ZNF540: variants seen among roughly 807,000 people sequenced by gnomAD.
ZNF540 encodes the protein CTD-3064H18.6.
A neutral mutation model predicts 11.8 loss-of-function variants in ZNF540; 3 were observed. That is an observed-to-expected ratio of 0.25 (90% CI 0.12 to 0.65). The LOEUF is 0.65. Among genes scored for constraint, ZNF540 ranks in the 30% least tolerant of loss-of-function variants. ZNF540 has a pLI of 0.83. For synonymous variants in ZNF540, 247 were observed against 259.0 expected (o/e 0.95, Z 0.45); for missense variants, 709 against 793.1 (o/e 0.89, Z 1.27).
chr19:37,603,129 T>C lies in ZNF540; in HGVS notation c.232+2024T>C, dbSNP rs530989650. ...TTCAAGCAATTCCCCTGCCTCAGCC[T>C]CCTGAGTAGCTGGTATTACAGGCGC... is the stretch of plus-strand genomic sequence containing the variant. On this transcript the variant is annotated intron_variant, in intron 4 of 4. Transcript: ENST00000316433. Among the ~76,000 whole-genome samples, 14 of 148,272 alleles carry C rather than the reference T, an allele frequency of 9.4e-5. No homozygotes were observed. The South Asian group carries it at 3.1e-3, about 33-fold the overall frequency.
At chr19:37,586,606 C>A in intron 1 of ZNF540, 1 of 1,593,364 alleles carries the variant, frequency 6.3e-7, no homozygotes, top group Non-Finnish European at 8.6e-7. Context: ...TGGGATAAAT[C>A]TGGTGTTCAC....
At position 37,564,705 on chromosome 19, in the gene ZNF540, G is replaced by C. The variant is rs907908562; in HGVS notation, c.-73+13040G>C. The stretch of plus-strand genomic sequence containing the variant: ...TCACCAGTATGGATCCTTTGATGCA[G>C]AGTAAGTTCTGAGCCACGACTAAAG... On this transcript the variant is annotated intron_variant, in intron 1 of 4. Coordinates refer to the ZNF540 transcript ENST00000592533. 3 of 1,613,464 alleles carry C rather than the reference G, an allele frequency of 1.9e-6. No individual in the cohort carries two copies. The African/African-American group carries it at 4.0e-5, about 22-fold the overall frequency.
rs766441467 is a variant in ZNF540, at chr19:37,611,521, T to C, written c.241T>C (p.Ser81Pro). The C allele has an allele frequency of 1.3e-6, 2 of 1,574,424 alleles. No homozygotes were observed. The highest frequency in any genetic ancestry group is 2.1e-4 in the Middle Eastern group (1 of 4,782). The change falls in exon 5 of 5, where the codon TCC becomes CCC. Residue 81 changes from serine (S) to proline (P), a missense_variant. Transcript: ENST00000316433. ...VTGRQCPGLL[S>P]RHKTKKLSSE... The stretch of plus-strand genomic sequence containing the variant: ...TTTATGTTTTCTTTCAGGTTTGTTA[T>C]CCAGGCATAAGACCAAGAAATTATC...
At chr19:37,595,215 CGTGT>C (rs1197069685) in intron 1 of ZNF540, 120 bp downstream of exon 1, 5 of 151,716 alleles carry the variant, frequency 3.3e-5, no homozygotes, top group Admixed American at 1.3e-4. Context: ...TGTGTGTGTG[CGTGT>C]GTGTGTGGGT....
chr19:37,604,438 C>G (rs975654810), intron 4 of ZNF540, among the ~76,000 whole-genome samples: 2 of 150,288 alleles, frequency 1.3e-5, no homozygotes, highest in African/African-American at 2.4e-5. Flanking sequence ...CTCTGGAGTA[C>G]CTGGGACTAC....
rs770070462 is a variant in ZNF540, at chr19:37,612,881, G to C, written c.1601G>C (p.Arg534Pro). ...AAAGAATGTGGAAAGGCCTTTATTC[G>C]TAGAGGGAATCTTAAAGAACATCTG... ...KCKECGKAFIRRGNLKEHLKI... is the reference protein window; with the variant it reads ...KCKECGKAFIPRGNLKEHLKI... The change falls in exon 5 of 5, where the codon CGT becomes CCT. Residue 534 changes from arginine (R) to proline (P), a missense_variant. Coordinates refer to ENST00000316433, the MANE Select transcript of ZNF540 (RefSeq NM_001172225.3). The C allele has an allele frequency of 6.2e-7, 1 of 1,613,810 alleles. No homozygotes were observed. The highest frequency in any genetic ancestry group is 8.5e-7 in the Non-Finnish European group (1 of 1,179,932).
At chr19:37,584,266 T>C in intron 1 of ZNF540, 1 of 780,138 alleles carries the variant, frequency 1.3e-6, no homozygotes, top group Non-Finnish European at 2.0e-6. Context: ...TTGCCACAGA[T>C]AAAACTTCCT....
upstream of ZNF540, among the ~76,000 whole-genome samples, chr19:37,592,393 T>G (rs976287194): frequency 6.6e-6 from 1 of 152,208 alleles, no homozygotes; most frequent in Non-Finnish European, 1.5e-5. Context: ...GCCACCACTC[T>G]CATGAAATTT....
chr19:37,594,338 G>C (rs1477572907), upstream of ZNF540: 1 of 152,356 alleles, frequency 6.6e-6, no homozygotes, highest in South Asian at 2.1e-4. Flanking sequence ...ATTAACAGGC[G>C]GCAGGTGAGC....
intron 3 of ZNF540, among the ~76,000 whole-genome samples, chr19:37,599,974 T>C (rs1283911727): frequency 6.6e-6 from 1 of 152,248 alleles, no homozygotes; most frequent in Non-Finnish European, 1.5e-5. Context: ...TCCATTACTG[T>C]AGTTACTTCT....
intron 4 of ZNF540, among the ~76,000 whole-genome samples, chr19:37,604,704 G>A (rs528266279): frequency 9.2e-5 from 14 of 152,012 alleles, no homozygotes; most frequent in African/African-American, 2.9e-4. Context: ...GGACAAACAC[G>A]TGAGTCTTGT....
intron 1 of ZNF540, chr19:37,585,314 A>C (rs531030150): frequency 1.3e-5 from 2 of 152,350 alleles, no homozygotes; most frequent in Middle Eastern, 6.8e-3. Context: ...TTGCTTAAAT[A>C]TAATTACTTT....
chr19:37,590,766 T>A (rs906692218), upstream of ZNF540, among the ~76,000 whole-genome samples: 1 of 152,118 alleles, frequency 6.6e-6, no homozygotes, highest in Non-Finnish European at 1.5e-5. Context: ...AAAATAAAAA[T>A]TTTAAAAAAC....
At chr19:37,565,672 T>A (rs28512414) in intron 1 of ZNF540, 340,660 of 1,613,190 alleles carry the variant, frequency 0.21, 43,176 homozygotes, top group East Asian at 0.66. Context: ...ATTTCTTACA[T>A]TCATATGGTT....
At position 37,612,733 on chromosome 19, in the gene ZNF540, C is replaced by T. The variant is rs1342403759; in HGVS notation, c.1453C>T (p.His485Tyr). Residue 485 changes from histidine (H) to tyrosine (Y), a missense_variant, in exon 5 of 5, where the codon CAT becomes TAT. By Grantham distance (83) the His-to-Tyr change is moderately conservative. Coordinates refer to ENST00000316433, the MANE Select transcript of ZNF540 (RefSeq NM_001172225.3). The part of the protein sequence containing the change: ...TFRVRSQISL[H>Y]KKIHTDVKPY... ...TCGAGTTCGTTCTCAAATTAGTCTACATAAGAAAATTCATACTGATGTGAA... is the reference window on the plus strand; with the variant it reads ...TCGAGTTCGTTCTCAAATTAGTCTATATAAGAAAATTCATACTGATGTGAA... 6.2e-7 allele frequency: 1 copy of T among 1,613,934 alleles called. No homozygotes were observed. The highest frequency in any genetic ancestry group is 8.5e-7 in the Non-Finnish European group (1 of 1,179,982).
intron 1 of ZNF540, among the ~76,000 whole-genome samples, chr19:37,561,038 C>A (rs942749035): frequency 9.3e-6 from 1 of 107,170 alleles, no homozygotes; most frequent in African/African-American, 3.4e-5. Context: ...AAAATAAGAC[C>A]CTGTCTCTAC....
intron 1 of ZNF540, chr19:37,564,664 A>G (rs756214598): frequency 1.2e-6 from 2 of 1,610,352 alleles, no homozygotes; most frequent in Admixed American, 3.4e-5. Flanking sequence ...CACACTGGAC[A>G]CATGTATAGG....
intron 1 of ZNF540, chr19:37,584,003 A>G: frequency 2.5e-6 from 4 of 1,612,984 alleles, no homozygotes; most frequent in Non-Finnish European, 3.4e-6. Context: ...GTTCTCCAAC[A>G]TCACATCCCT....
intron 1 of ZNF540, chr19:37,586,820 A>G: frequency 2.4e-6 from 2 of 836,036 alleles, no homozygotes; most frequent in Non-Finnish European, 3.8e-6. Flanking sequence ...AACTACCTTT[A>G]CTTCTCCTCT....
Sources: gnomAD v4.1 joint callset for allele counts (sites outside exome capture counted in the v4.1 genomes callset) on GRCh38, gnomAD v4.1.1 for gene constraint, MANE v1.5 for transcripts, NCBI Gene and HGNC (gene_info 2026-07-23, HGNC 2026-07-21) for gene names.